TMCC1: variants seen among roughly 807,000 people sequenced by gnomAD.
TMCC1 encodes transmembrane and coiled-coil domains protein 1.
A neutral mutation model predicts 52.4 loss-of-function variants in TMCC1; 15 were observed. That is an observed-to-expected ratio of 0.29 (90% CI 0.19 to 0.44). TMCC1 has a LOEUF of 0.44. Among genes scored for constraint, TMCC1 ranks in the 20% least tolerant of loss-of-function variants. The pLI is 1.00. For missense variants in TMCC1, 503 were observed against 806.0 expected, an observed-to-expected ratio of 0.62 and a Z score of 4.55; for synonymous variants, 279 against 301.9, an observed-to-expected ratio of 0.92 and a Z score of 0.79.
chr3:129,655,196 A>T, intron 5 of TMCC1, 93 bp from the exon 6 acceptor site: 1 of 1,449,254 alleles, frequency 6.9e-7, no homozygotes, highest in South Asian at 1.3e-5. Flanking sequence ...CATTCTACAA[A>T]GGAATAGAAG....
At chr3:129,813,001 C>A (rs554007442) in intron 4 of TMCC1, among the ~76,000 whole-genome samples, 1 of 152,072 alleles carries the variant, frequency 6.6e-6, no homozygotes, top group Admixed American at 6.6e-5. Context: ...AGTGGGCAAA[C>A]GACATGAACG....
chr3:129,695,235 T>G (rs1301836816), intron 4 of TMCC1, among the ~76,000 whole-genome samples: 3 of 152,074 alleles, frequency 2.0e-5, no homozygotes, highest in Non-Finnish European at 4.4e-5. Context: ...GAATGTCCTT[T>G]CAAGGGAATG....
chr3:129,862,033 A>G (rs1577125878), intron 2 of TMCC1, among the ~76,000 whole-genome samples: 1 of 152,264 alleles, frequency 6.6e-6, no homozygotes, highest in East Asian at 1.9e-4. Flanking sequence ...GCAATAAAAA[A>G]GAACAAAATA....
At position 129,828,997 on chromosome 3, in the gene TMCC1, C is replaced by T. The variant is rs1425344887; in HGVS notation, c.-130-489G>A. ...AACAGTGAGAAATGGATATCCCAAT[C>T]TAACTATATGTGGATTTTAATGGAA... On this transcript the variant is annotated intron_variant, in intron 3 of 6. Coordinates refer to ENST00000393238, the MANE Select transcript of TMCC1 (RefSeq NM_001017395.5). The surrounding 1 kb of genome is among the most constrained non-coding windows in gnomAD (Gnocchi z 4.1). Among the ~76,000 whole-genome samples, 1 of 152,226 alleles carries T rather than the reference C, an allele frequency of 6.6e-6. No homozygotes were observed. The highest frequency in any genetic ancestry group is 2.4e-5 in the African/African-American group (1 of 41,438).
At chr3:129,709,912 C>T (rs1024782717) in intron 4 of TMCC1, among the ~76,000 whole-genome samples, 1 of 151,948 alleles carries the variant, frequency 6.6e-6, no homozygotes, top group Non-Finnish European at 1.5e-5. Context: ...AGTAGCCAGG[C>T]GCGGTGGCTC....
rs184589617 is a variant in TMCC1, at chr3:129,736,892, A to C, written c.577-65628T>G. On this transcript the variant is annotated intron_variant, in intron 4 of 6. Coordinates refer to ENST00000393238, the MANE Select transcript of TMCC1 (RefSeq NM_001017395.5). ...AAATTTCAAATATACTGGAAAAAAA[A>C]CCAGAAAAGATGTTATAATAAACAG... 2.9e-3 allele frequency among the ~76,000 whole-genome samples: 442 copies of C among 152,266 alleles called. 5 individuals carry two copies. The highest frequency in any genetic ancestry group is 9.7e-3 in the African/African-American group (401 of 41,542).
chr3:129,878,020 G>A (rs1424431129), intron 2 of TMCC1, among the ~76,000 whole-genome samples: 5 of 151,120 alleles, frequency 3.3e-5, no homozygotes, highest in South Asian at 2.1e-4. Flanking sequence ...GTATAATGGC[G>A]CAATCTCGGC....
intron 4 of TMCC1, among the ~76,000 whole-genome samples, chr3:129,704,798 T>A (rs1020729861): frequency 5.9e-5 from 9 of 152,172 alleles, no homozygotes; most frequent in Admixed American, 5.9e-4. Context: ...CAGGCTTATA[T>A]TAATCACAAC....
intron 4 of TMCC1, among the ~76,000 whole-genome samples, chr3:129,704,259 A>C (rs1285305116): frequency 1.3e-5 from 2 of 152,224 alleles, no homozygotes; most frequent in Non-Finnish European, 2.9e-5. Context: ...GAATGATTGG[A>C]AAGAAGCTGG....
At chr3:129,703,634 G>C (rs1053416641) in intron 4 of TMCC1, among the ~76,000 whole-genome samples, 1 of 152,238 alleles carries the variant, frequency 6.6e-6, no homozygotes, top group African/African-American at 2.4e-5. Flanking sequence ...TAGAGAAAGC[G>C]TAACTACGAT....
In TMCC1 at chr3:129,768,022, C is replaced by T. The variant is rs551629091; in HGVS notation, c.576+59781G>A. ...CCTGGTCAACATGGTGAAACCTCAT[C>T]TCTACAAAAAAATGCAAATAGCTGG... On this transcript the variant is annotated intron_variant, in intron 4 of 6. Transcript: ENST00000393238. Among the ~76,000 whole-genome samples, 35 of 152,276 alleles carry T rather than the reference C, an allele frequency of 2.3e-4. No homozygotes were observed. In the South Asian group the frequency reaches 7.3e-3, roughly 32 times the overall value.
At chr3:129,726,166 A>T (rs1013318477) in intron 4 of TMCC1, among the ~76,000 whole-genome samples, 1 of 152,374 alleles carries the variant, frequency 6.6e-6, no homozygotes, top group Middle Eastern at 3.4e-3. Flanking sequence ...AGGACTAACA[A>T]CAGAGTGAAA....
At chr3:129,675,712 T>C (rs1249788683) in intron 4 of TMCC1, among the ~76,000 whole-genome samples, 2 of 152,186 alleles carry the variant, frequency 1.3e-5, no homozygotes, top group African/African-American at 4.8e-5. Flanking sequence ...CTCGTGGCTA[T>C]ACACTTGGCT....
intron 4 of TMCC1, among the ~76,000 whole-genome samples, chr3:129,730,190 T>C (rs944796172): frequency 3.3e-5 from 5 of 152,154 alleles, no homozygotes; most frequent in South Asian, 2.1e-4. Context: ...TTGTCAGATA[T>C]GTGATTTACA....
intron 2 of TMCC1, among the ~76,000 whole-genome samples, chr3:129,841,706 C>A (rs1560527548): frequency 6.6e-6 from 1 of 152,142 alleles, no homozygotes; most frequent in African/African-American, 2.4e-5. Flanking sequence ...AAATTTGCAG[C>A]CTTACCATGT....
At chr3:129,761,264 C>T (rs1444788712) in intron 4 of TMCC1, among the ~76,000 whole-genome samples, 1 of 146,004 alleles carries the variant, frequency 6.8e-6, no homozygotes, top group Admixed American at 7.1e-5. Flanking sequence ...GGAGGCGGAG[C>T]TTGCAGTGAG....
chr3:129,842,029 A>G (rs527437581), intron 2 of TMCC1, among the ~76,000 whole-genome samples: 11 of 152,362 alleles, frequency 7.2e-5, no homozygotes, highest in Non-Finnish European at 7.3e-5. Context: ...CTAAGAAGAC[A>G]TAACAATTCT....
chr3:129,738,438 C>T (rs891515719), intron 4 of TMCC1, among the ~76,000 whole-genome samples: 2 of 152,180 alleles, frequency 1.3e-5, no homozygotes, highest in African/African-American at 2.4e-5. Context: ...TTACACAATT[C>T]TGTTGCAGTA....
chr3:129,875,873 C>T (rs1183924409), intron 2 of TMCC1, among the ~76,000 whole-genome samples: 1 of 152,190 alleles, frequency 6.6e-6, no homozygotes, highest in Non-Finnish European at 1.5e-5. Context: ...GTGGCTCACG[C>T]CCGTAATCCC....
Sources: gnomAD v4.1 joint callset for allele counts (sites outside exome capture counted in the v4.1 genomes callset) on GRCh38, gnomAD v4.1.1 for gene constraint, Gnocchi (gnomAD v3.1) non-coding constraint, MANE v1.5 for transcripts, NCBI Gene and HGNC (gene_info 2026-07-23, HGNC 2026-07-21) for gene names.